The following CENPP variants were observed in gnomAD, a reference collection of about 807,000 sequenced individuals.
CENPP encodes centromere protein P.
Under a neutral mutation model 35.6 loss-of-function variants are expected in CENPP, and 24 were observed. The ratio of observed to expected loss-of-function variants is 0.67; its 90% CI spans 0.49 to 0.95. The LOEUF (loss-of-function observed/expected upper bound fraction) is 0.95. Ranked by LOEUF, CENPP falls within the 40% of genes least tolerant of loss-of-function variation. The pLI is 0.00. For missense variants in CENPP, 332 were observed against 345.3 expected (o/e 0.96, Z 0.31); for synonymous variants, 120 against 125.5 (o/e 0.96, Z 0.29).
rs79475441 is a variant in CENPP at position 92,619,613 on chromosome 9, C to T, written c.*6464C>T. The T allele has an allele frequency of 4.1e-5, 60 of 1,464,634 alleles. No homozygotes were observed. The highest frequency in any genetic ancestry group is 5.2e-5 in the Non-Finnish European group (56 of 1,069,186). 90.7% of individuals were successfully genotyped at this position (1,464,634 alleles called of 1,614,324 possible). On this transcript the variant is annotated 3_prime_UTR_variant, in exon 8 of 8. Coordinates refer to ENST00000375587, the MANE Select transcript of CENPP (RefSeq NM_001012267.3). ...CTCCAGGTCACACAGGAAGCCTCTG[C>T]CCCCCCACACAACCTTCCTTCCCAG...
intron 5 of CENPP, chr9:92,415,019 T>C (rs1489941034): frequency 3.1e-6 from 2 of 639,570 alleles, no homozygotes; most frequent in East Asian, 6.1e-5. Context: ...CACCAACAAC[T>C]TAAATTCAAT....
intron 5 of CENPP, chr9:92,600,231 C>G: frequency 7.7e-7 from 1 of 1,299,104 alleles, no homozygotes; most frequent in South Asian, 1.9e-5. Flanking sequence ...AACAGAAGGG[C>G]GTGGGATCTG....
In CENPP at chr9:92,449,437, C is replaced by CAAA. The variant is rs56218626; in HGVS notation, c.564+69617_564+69619dup. 6.7e-4 allele frequency among the ~76,000 whole-genome samples: 37 copies of CAAA among 54,950 alleles called. 2 individuals carry two copies. The highest frequency in any genetic ancestry group is 9.0e-4 in the South Asian group (1 of 1,114). The allele number at this position is 54,950 out of a possible 152,430, so 36.0% of individuals were successfully genotyped here. ...TGGGTGATGAGCGAGACTCTATCTC[C>CAAA]AAAAAAAAAAAAAAAAAAAAAAAAA... On this transcript the variant is annotated intron_variant, in intron 5 of 7. Coordinates refer to ENST00000375587, the MANE Select transcript of CENPP (RefSeq NM_001012267.3).
chr9:92,573,282 T>C (rs913569199), intron 5 of CENPP, among the ~76,000 whole-genome samples: 6 of 152,252 alleles, frequency 3.9e-5, no homozygotes, highest in African/African-American at 1.4e-4. Context: ...GGTTTTGGTG[T>C]GGATGTCCTT....
intron 5 of CENPP, among the ~76,000 whole-genome samples, chr9:92,534,788 T>C (rs1042616219): frequency 6.6e-6 from 1 of 152,158 alleles, no homozygotes; most frequent in African/African-American, 2.4e-5. Context: ...GCATGGCAAG[T>C]GTGCTCTGAT....
At chr9:92,507,687 G>A (rs913107) in intron 5 of CENPP, among the ~76,000 whole-genome samples, 17 of 152,162 alleles carry the variant, frequency 1.1e-4, no homozygotes, top group Non-Finnish European at 1.9e-4. Flanking sequence ...AGCCTCCAGG[G>A]CTCCTGATTT....
At chr9:92,495,510 T>A in intron 5 of CENPP, 1 of 983,562 alleles carries the variant, frequency 1.0e-6, no homozygotes, top group Non-Finnish European at 1.2e-6. Context: ...TAGTCAAGAA[T>A]AATTAATTTG....
At chr9:92,607,169 T>G (rs1444345969) in intron 5 of CENPP, among the ~76,000 whole-genome samples, 4 of 151,940 alleles carry the variant, frequency 2.6e-5, no homozygotes, top group African/African-American at 9.7e-5. Context: ...GAGTAAATTT[T>G]TGTATTTGGT....
intron 4 of CENPP, among the ~76,000 whole-genome samples, chr9:92,371,718 T>C (rs924934309): frequency 5.3e-5 from 8 of 152,134 alleles, no homozygotes; most frequent in Non-Finnish European, 7.4e-5. Flanking sequence ...CCCATTATTA[T>C]TGTATTGCAA....
intron 5 of CENPP, among the ~76,000 whole-genome samples, chr9:92,420,305 T>C (rs1052709020): frequency 6.6e-6 from 1 of 152,212 alleles, no homozygotes; most frequent in Non-Finnish European, 1.5e-5. Flanking sequence ...TGTCAGTTCC[T>C]TCTTACCAAC....
intron 5 of CENPP, among the ~76,000 whole-genome samples, chr9:92,532,066 G>A (rs1588243751): frequency 1.0e-5 from 1 of 96,450 alleles, no homozygotes; most frequent in Non-Finnish European, 1.9e-5. Context: ...TCACTATGTT[G>A]CCTGGGCTGG....
At chr9:92,406,790 A>G (rs570829996) in intron 5 of CENPP, among the ~76,000 whole-genome samples, 1 of 152,120 alleles carries the variant, frequency 6.6e-6, no homozygotes, top group South Asian at 2.1e-4. Flanking sequence ...GTTCCTTGCC[A>G]TGTGACTTCC....
intron 3 of CENPP, among the ~76,000 whole-genome samples, chr9:92,339,407 T>C (rs2130792005): frequency 6.6e-6 from 1 of 152,298 alleles, no homozygotes; most frequent in Middle Eastern, 3.4e-3. Context: ...TTTGGAAGTT[T>C]TGCTTCTCTT....
chr9:92,385,939 A>G, intron 5 of CENPP: 1 of 714,706 alleles, frequency 1.4e-6, no homozygotes, highest in Non-Finnish European at 2.3e-6. Context: ...ACTCAAATGT[A>G]CACCTGGAGA....
In CENPP at chr9:92,612,604, C is replaced by T; in HGVS notation, c.726C>T (p.Val242=). ...VFPKLDLLTK[V]PQRALELDKN... ...CAAAGCTGGATCTTCTCACCAAAGT[C>T]CCACAGCGAGGTAGGGCCCTGGGTG... Residue 242 remains valine (V), a synonymous_variant, in exon 7 of 8, where the codon GTC becomes GTT. Transcript: ENST00000375587. 1 of 1,613,726 alleles carries T rather than the reference C, an allele frequency of 6.2e-7. No homozygotes were observed. Among genetic ancestry groups the T allele is most frequent in the Non-Finnish European group, 8.5e-7 (1 of 1,179,658 alleles).
At chr9:92,491,460 G>A (rs1476350574) in intron 5 of CENPP, among the ~76,000 whole-genome samples, 1 of 152,084 alleles carries the variant, frequency 6.6e-6, no homozygotes, top group African/African-American at 2.4e-5. Flanking sequence ...GTTGAGGATC[G>A]GAGCCCATCA....
intron 4 of CENPP, among the ~76,000 whole-genome samples, chr9:92,357,881 T>C (rs942618743): frequency 1.3e-5 from 2 of 152,138 alleles, no homozygotes; most frequent in South Asian, 2.1e-4. Context: ...GCACTTTGAA[T>C]ATATGACCTC....
At chr9:92,479,506 C>G (rs1845836548) in intron 5 of CENPP, among the ~76,000 whole-genome samples, 1 of 152,096 alleles carries the variant, frequency 6.6e-6, no homozygotes, top group Non-Finnish European at 1.5e-5. Context: ...AGGAGTTCCT[C>G]CTGGTGGTGA....
At chr9:92,469,924 G>A (rs1845447807) in intron 5 of CENPP, among the ~76,000 whole-genome samples, 2 of 152,222 alleles carry the variant, frequency 1.3e-5, no homozygotes, top group African/African-American at 4.8e-5. Flanking sequence ...CTAGAGTGCA[G>A]TGGCATAGTC....
Sources: gnomAD v4.1 joint callset for allele counts (sites outside exome capture counted in the v4.1 genomes callset) on GRCh38, gnomAD v4.1.1 for gene constraint, MANE v1.5 for transcripts, NCBI Gene and HGNC (gene_info 2026-07-23, HGNC 2026-07-21) for gene names.